The following DCTN4 variants were observed in gnomAD, a reference collection of about 807,000 sequenced individuals.
DCTN4 encodes dynactin 4 (p62).
A neutral mutation model predicts 62.7 loss-of-function variants in DCTN4; 23 were observed. The observed-to-expected ratio is 0.37, with a 90% CI of 0.26 to 0.52. DCTN4 has a LOEUF of 0.52. Among genes scored for constraint, DCTN4 ranks in the 20% least tolerant of loss-of-function variants. The probability of loss-of-function intolerance (pLI) is 0.92; values close to 1 mark genes in which losing one functional copy is unlikely to be tolerated. For missense variants in DCTN4, 514 were observed against 580.4 expected, an observed-to-expected ratio of 0.89 and a Z score of 1.18; for synonymous variants, 199 against 202.1, an observed-to-expected ratio of 0.98 and a Z score of 0.13.
rs1249231923 is a variant in DCTN4 at position 150,725,018 on chromosome 5, C to A, written c.835-2038G>T. 2.0e-5 allele frequency among the ~76,000 whole-genome samples: 3 copies of A among 151,896 alleles called. No homozygotes were observed. In the East Asian group the frequency reaches 5.8e-4, roughly 29 times the overall value. On this transcript the variant is annotated intron_variant, in intron 8 of 12. Coordinates refer to ENST00000447998, the MANE Select transcript of DCTN4 (RefSeq NM_016221.4). ...TAAAAGTACAAAAAAATTAGCCAGG[C>A]GTAGTGGCGGGCGCCTGTAGTCCCA...
intron 3 of DCTN4, among the ~76,000 whole-genome samples, chr5:150,747,615 G>A (rs1285825072): frequency 6.6e-6 from 1 of 152,018 alleles, no homozygotes; most frequent in African/African-American, 2.4e-5. Flanking sequence ...GAACAGAACA[G>A]AGCCCTCAGA....
chr5:150,758,148 G>A (rs1251186364), intron 1 of DCTN4: 6 of 985,546 alleles, frequency 6.1e-6, no homozygotes, highest in Non-Finnish European at 6.0e-6. Context: ...GAATAAACAA[G>A]ATGTGCCAAG....
At chr5:150,732,341 G>A (rs1045309485) in intron 5 of DCTN4, among the ~76,000 whole-genome samples, 1 of 152,160 alleles carries the variant, frequency 6.6e-6, no homozygotes, top group African/African-American at 2.4e-5. Context: ...AGTAGAGACA[G>A]GGTTTCGCCA....
At position 150,710,750 on chromosome 5, in the gene DCTN4, C is replaced by A. The variant is rs1036176541; in HGVS notation, c.*399G>T. ...CAATGCTGGATCATTAACAGCAGGT[C>A]TACCTTTGGGTTATCATTTAAGTTT... is the stretch of plus-strand genomic sequence containing the variant. On this transcript the variant is annotated 3_prime_UTR_variant, in exon 13 of 13. Coordinates refer to ENST00000447998, the MANE Select transcript of DCTN4 (RefSeq NM_016221.4). The A allele has an allele frequency of 4.8e-6, 1 of 206,732 alleles. No homozygotes were observed. The highest frequency in any genetic ancestry group is 5.2e-5 in the Admixed American group (1 of 19,226). 12.8% of individuals were successfully genotyped at this position (206,732 alleles called of 1,614,324 possible).
At chr5:150,721,386 G>A (rs1214770249) in intron 9 of DCTN4, among the ~76,000 whole-genome samples, 1 of 151,996 alleles carries the variant, frequency 6.6e-6, no homozygotes, top group Non-Finnish European at 1.5e-5. Flanking sequence ...TTATATATTG[G>A]TGATTTTGTT....
chr5:150,728,451 T>G (rs1163289192), intron 8 of DCTN4, among the ~76,000 whole-genome samples: 1 of 152,190 alleles, frequency 6.6e-6, no homozygotes, highest in Non-Finnish European at 1.5e-5. Flanking sequence ...ATGTTCTATA[T>G]TCTTACTGAT....
intron 10 of DCTN4, among the ~76,000 whole-genome samples, chr5:150,719,083 G>C (rs746420216): frequency 6.6e-6 from 1 of 152,182 alleles, no homozygotes; most frequent in Non-Finnish European, 1.5e-5. Context: ...GCCTCCCAAA[G>C]TGCTGGGATT....
chr5:150,711,845 T>G (rs1363980757), intron 12 of DCTN4, among the ~76,000 whole-genome samples: 1 of 152,128 alleles, frequency 6.6e-6, no homozygotes, highest in African/African-American at 2.4e-5. Flanking sequence ...GCTTATACTT[T>G]TCTGCTTTTC....
At chr5:150,738,820 G>A (rs957094066) in intron 4 of DCTN4, among the ~76,000 whole-genome samples, 1 of 152,170 alleles carries the variant, frequency 6.6e-6, no homozygotes, top group African/African-American at 2.4e-5. Flanking sequence ...AAGTCAAACT[G>A]TTGCTGTTTG....
chr5:150,726,601 A>T (rs980434590), intron 8 of DCTN4, among the ~76,000 whole-genome samples: 9 of 152,108 alleles, frequency 5.9e-5, no homozygotes, highest in Admixed American at 3.9e-4. Context: ...TTGGAGTGAA[A>T]ATTATTCCTA....
chr5:150,717,159 A>C (rs1355707236), intron 11 of DCTN4, among the ~76,000 whole-genome samples: 1 of 152,222 alleles, frequency 6.6e-6, no homozygotes, highest in Non-Finnish European at 1.5e-5. Flanking sequence ...CTTGTTCTAA[A>C]ATTTCAAGTA....
intron 1 of DCTN4, chr5:150,758,369 C>T: frequency 1.0e-6 from 1 of 986,626 alleles, no homozygotes; most frequent in Non-Finnish European, 1.2e-6. Flanking sequence ...TTCCCGGCTG[C>T]AGGCCTTGGC....
intron 3 of DCTN4, among the ~76,000 whole-genome samples, chr5:150,746,739 C>A (rs1309543417): frequency 6.6e-6 from 1 of 152,130 alleles, no homozygotes; most frequent in Non-Finnish European, 1.5e-5. Context: ...AATTCAACAG[C>A]CCTTCATGCT....
At chr5:150,751,063 G>A (rs1052847331) in intron 3 of DCTN4, among the ~76,000 whole-genome samples, 3 of 152,080 alleles carry the variant, frequency 2.0e-5, no homozygotes, top group Admixed American at 2.0e-4. Context: ...TGTTTCAGCT[G>A]TAATATTTTT....
chr5:150,716,213 A>G (rs1260344071), intron 11 of DCTN4, among the ~76,000 whole-genome samples: 1 of 152,112 alleles, frequency 6.6e-6, no homozygotes. Context: ...CCTAATGTTT[A>G]ATTTCTTAAG....
intron 12 of DCTN4, among the ~76,000 whole-genome samples, chr5:150,713,891 T>G (rs1454915112): frequency 6.6e-6 from 1 of 151,608 alleles, no homozygotes; most frequent in African/African-American, 2.4e-5. Context: ...CCAAGTCGGG[T>G]GGATCACTTT....
intron 4 of DCTN4, among the ~76,000 whole-genome samples, chr5:150,737,160 A>T (rs13362397): frequency 0.15 from 22,906 of 152,084 alleles, 3,119 homozygotes; most frequent in African/African-American, 0.36. Context: ...AGCAACACAA[A>T]AATAGTGGGG....
intron 9 of DCTN4, 107 bp downstream of exon 9, chr5:150,722,800 A>T (rs1215193323): frequency 1.7e-5 from 10 of 585,928 alleles, no homozygotes; most frequent in Non-Finnish European, 2.0e-5. Flanking sequence ...TTTTGATGTA[A>T]TTTTTTTTTT....
At chr5:150,722,851 A>G in intron 9 of DCTN4, 56 bp downstream of exon 9, 1 of 1,415,514 alleles carries the variant, frequency 7.1e-7, no homozygotes, top group Non-Finnish European at 9.8e-7. Context: ...GGGGAAGAAG[A>G]ATAAACCAAA....
Sources: gnomAD v4.1 joint callset for allele counts (sites outside exome capture counted in the v4.1 genomes callset) on GRCh38, gnomAD v4.1.1 for gene constraint, MANE v1.5 for transcripts, NCBI Gene and HGNC (gene_info 2026-07-23, HGNC 2026-07-21) for gene names.